ME2: variants seen among roughly 807,000 people sequenced by gnomAD.
The protein encoded by ME2 is malic enzyme 2, also known as NAD-dependent malic enzyme, mitochondrial.
A neutral mutation model predicts 73.7 loss-of-function variants in ME2; 60 were observed. That is an observed-to-expected ratio of 0.81 (90% CI 0.66 to 1.01). The LOEUF (loss-of-function observed/expected upper bound fraction) is 1.01, where lower values mean the gene tolerates loss of function less well. Ranked by LOEUF, ME2 falls within the 50% of genes least tolerant of loss-of-function variation. The pLI is 0.00. For synonymous variants in ME2, 199 were observed against 236.9 expected (o/e 0.84, Z 1.47); for missense variants, 594 against 705.5 (o/e 0.84, Z 1.79).
rs1010637041 is a variant in ME2 at position 50,949,165 on chromosome 18, T to C, written c.*1981T>C. ...CAATTCATCATAATTCTGAATATAA[T>C]TTAATAATTTTAAAATGGTCGCAAT... On this transcript the variant is annotated 3_prime_UTR_variant, in exon 16 of 16. Coordinates refer to ENST00000321341, the MANE Select transcript of ME2 (RefSeq NM_002396.5). 1 of 152,190 alleles carries C rather than the reference T, an allele frequency of 6.6e-6. No individual in the cohort carries two copies. The highest frequency in any genetic ancestry group is 1.5e-5 in the Non-Finnish European group (1 of 68,040). The allele number at this position is 152,190 out of a possible 1,614,324, so 9.4% of individuals were successfully genotyped here. A position where few individuals can be genotyped will look rare whatever the true frequency, so the allele number is the denominator to read the frequency against.
Position 50,947,377 on chromosome 18 carries a change from C to T in ME2, c.*193C>T, listed in dbSNP as rs1599132200. ...GATTGATTGCATTGCCCACCAGCAC[C>T]CTACAGTCAGATAGTTGTGATGCTT... On this transcript the variant is annotated 3_prime_UTR_variant, in exon 16 of 16. Transcript: ENST00000321341. 1 of 577,736 alleles carries T rather than the reference C, an allele frequency of 1.7e-6. No individual in the cohort carries two copies. The highest frequency in any genetic ancestry group is 2.9e-5 in the East Asian group (1 of 34,904). 35.8% of individuals were successfully genotyped at this position (577,736 alleles called of 1,614,324 possible).
chr18:50,910,483 A>G (rs969623002), intron 3 of ME2, among the ~76,000 whole-genome samples: 1 of 151,776 alleles, frequency 6.6e-6, no homozygotes, highest in Non-Finnish European at 1.5e-5. Context: ...AGAGCAGGTT[A>G]AAGGGGTGAG....
chr18:50,897,401 T>C (rs1916770630), intron 2 of ME2, among the ~76,000 whole-genome samples: 1 of 152,190 alleles, frequency 6.6e-6, no homozygotes, highest in Non-Finnish European at 1.5e-5. Flanking sequence ...AGATGGAGCA[T>C]AGTCTAAGTG....
At chr18:50,901,300 C>T (rs1328527016) in intron 2 of ME2, among the ~76,000 whole-genome samples, 1 of 152,178 alleles carries the variant, frequency 6.6e-6, no homozygotes, top group East Asian at 1.9e-4. Flanking sequence ...TTACATTTCT[C>T]ATTACAAACG....
In ME2 at chr18:50,903,937, G is replaced by A. The variant is rs141442339; in HGVS notation, c.109-4126G>A. Among the ~76,000 whole-genome samples, 6 of 152,232 alleles carry A rather than the reference G, an allele frequency of 3.9e-5. No homozygotes were observed. The East Asian group carries it at 7.7e-4, about 20-fold the overall frequency. ...AGACACATGTTTATTATTGTCTAGC[G>A]TCTCCTCCATTATTGAAAGTGGGTA... On this transcript the variant is annotated intron_variant, in intron 2 of 15. Transcript: ENST00000321341.
At chr18:50,921,586 A>AT (rs566481515) in intron 10 of ME2, among the ~76,000 whole-genome samples, 8 of 151,744 alleles carry the variant, frequency 5.3e-5, no homozygotes, top group Non-Finnish European at 7.4e-5. Context: ...ATTATTATTT[A>AT]TTTTTTTTGA....
At chr18:50,915,025 G>A (rs2144228390) in intron 4 of ME2, among the ~76,000 whole-genome samples, 1 of 152,160 alleles carries the variant, frequency 6.6e-6, no homozygotes, top group Middle Eastern at 3.4e-3. Flanking sequence ...CAACACAGGT[G>A]TGAAGGTCCA....
chr18:50,909,613 T>C (rs1156833644), intron 3 of ME2, among the ~76,000 whole-genome samples: 2 of 152,150 alleles, frequency 1.3e-5, no homozygotes, highest in African/African-American at 4.8e-5. Flanking sequence ...TAAGAGTGGT[T>C]TCTTTGATGT....
At chr18:50,937,714 T>A (rs1229201274) in intron 13 of ME2, among the ~76,000 whole-genome samples, 1 of 151,222 alleles carries the variant, frequency 6.6e-6, no homozygotes, top group Non-Finnish European at 1.5e-5. Flanking sequence ...CAAAACAAGC[T>A]CCTAAAAATA....
intron 15 of ME2, among the ~76,000 whole-genome samples, chr18:50,942,044 G>T (rs1327946217): frequency 1.3e-5 from 2 of 151,746 alleles, no homozygotes; most frequent in African/African-American, 4.8e-5. Flanking sequence ...GTTTTTTATG[G>T]AATTATTTGT....
At chr18:50,884,807 A>G (rs986084662) in intron 1 of ME2, among the ~76,000 whole-genome samples, 4 of 151,122 alleles carry the variant, frequency 2.6e-5, no homozygotes, top group African/African-American at 7.3e-5. Flanking sequence ...AGATTTGCCT[A>G]CCTTGCAGTA....
chr18:50,949,249 A>G lies in ME2; in HGVS notation c.*2065A>G, dbSNP rs1156632899. On this transcript the variant is annotated 3_prime_UTR_variant, in exon 16 of 16. Coordinates refer to ENST00000321341, the MANE Select transcript of ME2 (RefSeq NM_002396.5). ...TGGTTAATTCATTGAACAGATTAGTAAAGTCAGAAGTCTTTTTCATAACAT... is the reference window on the plus strand; with the variant it reads ...TGGTTAATTCATTGAACAGATTAGTGAAGTCAGAAGTCTTTTTCATAACAT... 2 of 152,266 alleles carry G rather than the reference A, an allele frequency of 1.3e-5. No homozygotes were observed. Among genetic ancestry groups the G allele is most frequent in the Non-Finnish European group, 2.9e-5 (2 of 68,052 alleles). The allele number at this position is 152,266 out of a possible 1,614,324, so 9.4% of individuals were successfully genotyped here. A position where few individuals can be genotyped will look rare whatever the true frequency, so the allele number is the denominator to read the frequency against.
intron 4 of ME2, chr18:50,913,278 G>A (rs181431081): frequency 1.8e-3 from 306 of 172,846 alleles, no homozygotes; most frequent in Admixed American, 2.8e-3. Flanking sequence ...TAAAATTTTT[G>A]TCAATAAAGT....
At chr18:50,918,783 C>G (rs1917351084) in intron 7 of ME2, among the ~76,000 whole-genome samples, 1 of 149,414 alleles carries the variant, frequency 6.7e-6, no homozygotes, top group Admixed American at 6.8e-5. Flanking sequence ...TCTTCTCTTT[C>G]AGCCATGTCA....
chr18:50,911,659 T>A (rs961549187), intron 3 of ME2, among the ~76,000 whole-genome samples: 9 of 152,112 alleles, frequency 5.9e-5, no homozygotes, highest in Non-Finnish European at 1.3e-4. Context: ...GGACTATACC[T>A]GGAGAGAGTG....
intron 3 of ME2, among the ~76,000 whole-genome samples, chr18:50,910,642 C>T (rs1329633600): frequency 6.6e-6 from 1 of 152,092 alleles, no homozygotes; most frequent in East Asian, 1.9e-4. Context: ...TACATAAATT[C>T]ATTCAGTTAA....
chr18:50,920,885 A>G, intron 9 of ME2, 127 bp downstream of exon 9: 3 of 761,202 alleles, frequency 3.9e-6, no homozygotes, highest in Non-Finnish European at 6.4e-6. Flanking sequence ...AGGATATGAA[A>G]TCAAGAGTTC....
intron 7 of ME2, among the ~76,000 whole-genome samples, chr18:50,920,171 G>A (rs577321526): frequency 6.6e-6 from 1 of 152,224 alleles, no homozygotes; most frequent in South Asian, 2.1e-4. Context: ...TTGAGGTTCA[G>A]AGTCAAAGGA....
At chr18:50,897,206 C>T (rs971357658) in intron 2 of ME2, among the ~76,000 whole-genome samples, 4 of 152,130 alleles carry the variant, frequency 2.6e-5, no homozygotes, top group South Asian at 2.1e-4. Context: ...GACTATATTT[C>T]GGGTTCCTTT....
Sources: allele counts gnomAD v4.1 joint callset (sites outside exome capture counted in the v4.1 genomes callset), GRCh38; gene constraint gnomAD v4.1.1; transcripts MANE v1.5; gene names NCBI Gene and HGNC (gene_info 2026-07-23, HGNC 2026-07-21).